The following PDXDC1 variants were observed in gnomAD, a reference collection of about 807,000 sequenced individuals.
The protein encoded by PDXDC1 is pyridoxal dependent decarboxylase domain containing 1.
In PDXDC1, 42 loss-of-function variants were observed where a neutral mutation model predicts 100.1. The observed-to-expected ratio is 0.42, with a 90% CI of 0.33 to 0.54. The LOEUF (loss-of-function observed/expected upper bound fraction) is 0.54, where lower values mean the gene tolerates loss of function less well. Among genes scored for constraint, PDXDC1 ranks in the 20% least tolerant of loss-of-function variants. The pLI is 0.10. For missense variants in PDXDC1, 636 were observed against 979.2 expected, an observed-to-expected ratio of 0.65 and a Z score of 4.68; for synonymous variants, 260 against 371.7, an observed-to-expected ratio of 0.70 and a Z score of 3.46.
rs771054041 is a variant in PDXDC1, at chr16:15,131,601, G to T, written c.1400-7278G>T. 1.8e-5 allele frequency: 29 copies of T among 1,603,674 alleles called. 1 individual carries two copies. Among genetic ancestry groups the T allele is most frequent in the African/African-American group, 4.1e-5 (3 of 73,204 alleles). The stretch of plus-strand genomic sequence containing the variant: ...GCGTGAGGATGCGCATGAGGGCAGA[G>T]GTCAGGTTGTAGGCCTGGGACGCCA... On this transcript the variant is annotated intron_variant, in intron 16 of 16. Coordinates refer to the PDXDC1 transcript ENST00000535621.
At chr16:15,040,093 A>G, downstream of PDXDC1, 2 of 1,319,286 alleles carry the variant, frequency 1.5e-6, no homozygotes, top group Non-Finnish European at 2.2e-6. Context: ...GATGACTCTG[A>G]ATTGACAAAA....
intron 1 of PDXDC1, chr16:14,990,180 A>G (rs1373955341): frequency 3.9e-6 from 5 of 1,279,958 alleles, no homozygotes; most frequent in Non-Finnish European, 4.9e-6. Flanking sequence ...AGGCGCGGGC[A>G]AGGGCGCGAG....
chr16:14,980,434 TC>T (rs1441839365), intron 1 of PDXDC1, among the ~76,000 whole-genome samples: 2 of 152,278 alleles, frequency 1.3e-5, no homozygotes, highest in African/African-American at 4.8e-5. Context: ...TGCCTCAGCT[TC>T]CCGAGTAGAT....
intron 16 of PDXDC1, among the ~76,000 whole-genome samples, chr16:15,095,619 A>G (rs1158492485): frequency 1.3e-5 from 2 of 152,174 alleles, no homozygotes; most frequent in African/African-American, 4.8e-5. Context: ...TGGGAGGCCG[A>G]GGCAAGTGGA....
At chr16:15,143,643 TG>T (rs1188159354), downstream of PDXDC1, among the ~76,000 whole-genome samples, 3 of 152,220 alleles carry the variant, frequency 2.0e-5, no homozygotes, top group Non-Finnish European at 2.9e-5. Flanking sequence ...CTGGGCCTTC[TG>T]CCCCACAGGC....
At chr16:15,049,991 A>G (rs2044233882) in intron 16 of PDXDC1, among the ~76,000 whole-genome samples, 1 of 152,216 alleles carries the variant, frequency 6.6e-6, no homozygotes, top group Admixed American at 6.5e-5. Flanking sequence ...CAGTACAACC[A>G]TGGCTGTGCC....
chr16:15,127,415 G>T lies in PDXDC1; in HGVS notation c.1400-11464G>T. 4 of 1,430,510 alleles carry T rather than the reference G, an allele frequency of 2.8e-6. No individual in the cohort carries two copies. The African/African-American group carries it at 4.3e-5, about 15-fold the overall frequency. The allele number at this position is 1,430,510 out of a possible 1,614,324, so 88.6% of individuals were successfully genotyped here. A position where few individuals can be genotyped will look rare whatever the true frequency, so the allele number is the denominator to read the frequency against. ...CTGGAAAGTGGCGGCTCTGGGCATG[G>T]TGCCGAGGCCCAGGCTCCATTCCCA... On this transcript the variant is annotated intron_variant, in intron 16 of 16. Coordinates refer to the PDXDC1 transcript ENST00000535621.
chr16:15,003,877 G>T (rs1449612292), intron 4 of PDXDC1, among the ~76,000 whole-genome samples: 4 of 152,242 alleles, frequency 2.6e-5, no homozygotes, highest in Non-Finnish European at 4.4e-5. Flanking sequence ...CCAGCTACTC[G>T]GGAGGCTGAG....
At position 15,052,357 on chromosome 16, in the gene PDXDC1, T is replaced by C. The variant is rs373594491; in HGVS notation, c.1399+22301T>C. ...AAGACCATTCTTGGCCTATAGGCTA[T>C]ACATAAGCAGGGTCCGGCCCATGAG... On this transcript the variant is annotated intron_variant, in intron 16 of 16. Coordinates refer to the PDXDC1 transcript ENST00000535621. 2.0e-5 allele frequency among the ~76,000 whole-genome samples: 3 copies of C among 152,338 alleles called. No individual in the cohort carries two copies. In the East Asian group the frequency reaches 5.8e-4, roughly 29 times the overall value.
chr16:15,057,361 ACCT>A (rs1349724801), intron 16 of PDXDC1, among the ~76,000 whole-genome samples: 14 of 152,106 alleles, frequency 9.2e-5, no homozygotes, highest in African/African-American at 3.4e-4. Flanking sequence ...TACTATCAAC[ACCT>A]CATTTGTCAT....
intron 8 of PDXDC1, among the ~76,000 whole-genome samples, chr16:15,011,389 G>C (rs1047448424): frequency 5.9e-5 from 9 of 152,406 alleles, no homozygotes; most frequent in Non-Finnish European, 1.3e-4. Context: ...CTTATTCTCT[G>C]TATATATAAA....
intron 16 of PDXDC1, chr16:15,055,746 A>C (rs2151740093): frequency 2.4e-6 from 1 of 412,328 alleles, no homozygotes; most frequent in East Asian, 3.8e-5. Context: ...CCGACCCCTC[A>C]AGGGGAAGAC....
At chr16:15,123,953 G>A (rs1028920649) in intron 16 of PDXDC1, among the ~76,000 whole-genome samples, 56 of 150,126 alleles carry the variant, frequency 3.7e-4, no homozygotes, top group African/African-American at 1.2e-3. Flanking sequence ...TTTAACATCC[G>A]AAACCGAGTG....
At chr16:15,025,298 C>G (rs1224203650) in intron 13 of PDXDC1, 1 of 152,404 alleles carries the variant, frequency 6.6e-6, no homozygotes, top group Non-Finnish European at 1.5e-5. Flanking sequence ...GCAGTCTTGG[C>G]ACTCACCTCA....
intron 1 of PDXDC1, among the ~76,000 whole-genome samples, chr16:14,982,079 C>G (rs1192729107): frequency 6.6e-6 from 1 of 152,296 alleles, no homozygotes; most frequent in East Asian, 1.9e-4. Context: ...GGCCACTGCA[C>G]CCGGCCTATT....
chr16:15,072,819 A>T, intron 16 of PDXDC1: 1 of 897,520 alleles, frequency 1.1e-6, no homozygotes, highest in Non-Finnish European at 1.7e-6. Flanking sequence ...CGATTTTATT[A>T]AGCAGACTAG....
intron 16 of PDXDC1, chr16:15,128,124 C>T: frequency 6.2e-7 from 1 of 1,610,206 alleles, no homozygotes; most frequent in Non-Finnish European, 8.5e-7. Context: ...AGGAACCAGG[C>T]AGGGCTGAGC....
downstream of PDXDC1, among the ~76,000 whole-genome samples, chr16:15,143,393 T>C (rs540968698): frequency 6.6e-6 from 1 of 152,312 alleles, no homozygotes; most frequent in East Asian, 1.9e-4. Context: ...GTCCCAGGGC[T>C]GTGGGCAGCA....
In PDXDC1 at chr16:15,125,881, C is replaced by G. The variant is rs557890009; in HGVS notation, c.1400-12998C>G. The G allele has an allele frequency of 1.7e-5, 13 of 744,550 alleles. No individual in the cohort carries two copies. In the South Asian group the frequency reaches 1.9e-4, roughly 11 times the overall value. The allele number at this position is 744,550 out of a possible 1,614,324, so 46.1% of individuals were successfully genotyped here. ...GGACCTGGATGAGAAGCCACCTCCT[C>G]AGCAGACAGGACAGAGCCCGGTGCC... On this transcript the variant is annotated intron_variant, in intron 16 of 16. Coordinates refer to the PDXDC1 transcript ENST00000535621.
Sources: gnomAD v4.1 joint callset for allele counts (sites outside exome capture counted in the v4.1 genomes callset) on GRCh38, gnomAD v4.1.1 for gene constraint, MANE v1.5 for transcripts, NCBI Gene and HGNC (gene_info 2026-07-23, HGNC 2026-07-21) for gene names.